The following ARHGAP21 variants were observed in gnomAD, a reference collection of about 807,000 sequenced individuals.
ARHGAP21 encodes rho GTPase-activating protein 21.
Under a neutral mutation model 164.6 loss-of-function variants are expected in ARHGAP21, and 38 were observed. The observed-to-expected ratio is 0.23, with a 90% CI of 0.18 to 0.30. ARHGAP21 has a LOEUF of 0.30. Ranked by LOEUF, ARHGAP21 falls within the 10% of genes least tolerant of loss-of-function variation. ARHGAP21 has a pLI of 1.00. For synonymous variants in ARHGAP21, 766 were observed against 857.9 expected, an observed-to-expected ratio of 0.89 and a Z score of 1.87; for missense variants, 1,822 against 2,370.7, an observed-to-expected ratio of 0.77 and a Z score of 4.81.
Position 24,584,661 on chromosome 10 carries a change from CTCTG to C in ARHGAP21, c.5624_5627del (p.Thr1875ArgfsTer8), listed in dbSNP as rs772391996. The C allele has an allele frequency of 7.4e-6, 12 of 1,613,914 alleles. No individual in the cohort carries two copies. Among genetic ancestry groups the C allele is most frequent in the African/African-American group, 2.7e-5 (2 of 75,016 alleles). On this transcript the variant is annotated frameshift_variant, in exon 26 of 26. Coordinates refer to ENST00000396432, the MANE Select transcript of ARHGAP21 (RefSeq NM_020824.4). LOFTEE classifies it low-confidence loss of function (END_TRUNC). ...TGGCTATTTCTCGTGTGCTTGGGTTCTCTGTCTGGGGATCTCCGATTTCTCCTCT... is the reference window on the plus strand; with the variant it reads ...TGGCTATTTCTCGTGTGCTTGGGTTCTCTGGGGATCTCCGATTTCTCCTCT...
intron 25 of ARHGAP21, 68 bp downstream of exon 25, chr10:24,589,203 T>A (rs968278241): frequency 5.8e-6 from 8 of 1,390,044 alleles, no homozygotes; most frequent in African/African-American, 1.4e-5. Flanking sequence ...CATTTGTGTA[T>A]CAACCATAAC....
chr10:24,703,356 A>G (rs1051403387), intron 2 of ARHGAP21, among the ~76,000 whole-genome samples: 9 of 152,214 alleles, frequency 5.9e-5, no homozygotes, highest in African/African-American at 2.2e-4. Context: ...AATAATTGTA[A>G]GCATGTATTA....
chr10:24,627,952 A>C (rs1455214638), intron 7 of ARHGAP21, among the ~76,000 whole-genome samples: 1 of 152,178 alleles, frequency 6.6e-6, no homozygotes, highest in African/African-American at 2.4e-5. Flanking sequence ...CTTGGCAAGG[A>C]AAGGGTCTAC....
intron 4 of ARHGAP21, among the ~76,000 whole-genome samples, chr10:24,650,874 T>C (rs765141293): frequency 6.6e-6 from 1 of 152,200 alleles, no homozygotes; most frequent in Non-Finnish European, 1.5e-5. Context: ...TGCACAACTG[T>C]TCACCTTGAG....
chr10:24,642,514 C>CA (rs57154901), intron 4 of ARHGAP21, among the ~76,000 whole-genome samples: 4,398 of 45,638 alleles, frequency 0.096, 233 homozygotes, highest in African/African-American at 0.21. Flanking sequence ...GACTCCGTCT[C>CA]AAAAAAAAAA....
chr10:24,678,569 G>A (rs545376840), intron 2 of ARHGAP21, among the ~76,000 whole-genome samples: 14 of 152,016 alleles, frequency 9.2e-5, no homozygotes, highest in East Asian at 3.9e-4. Context: ...GGTATAATCC[G>A]GCTCACTGCA....
At position 24,619,604 on chromosome 10, in the gene ARHGAP21, T is replaced by C; in HGVS notation, c.2291A>G (p.Glu764Gly). Residue 764 changes from glutamate (E) to glycine (G), a missense_variant, in exon 9 of 26, where the codon GAG (glutamate) becomes GGG (glycine). Glu to Gly is a moderately conservative substitution (Grantham distance 98). This residue lies in a region of ARHGAP21 where 1,090 missense variants were observed against 1,378.9 expected (regional missense o/e 0.79). Transcript: ENST00000396432. ...CCAGCAGGTAGTGTCTGACCCGGTC[T>C]CCTGGTCATTTACTGCCAAGATGTA... ...QSYILAVNDQ[E>G]TGSDTTCWLP... The C allele has an allele frequency of 6.2e-7, 1 of 1,614,182 alleles. No individual in the cohort carries two copies. Among genetic ancestry groups the C allele is most frequent in the Non-Finnish European group, 8.5e-7 (1 of 1,180,020 alleles).
At position 24,591,292 on chromosome 10, in the gene ARHGAP21, T is replaced by C; in HGVS notation, c.4083A>G (p.Pro1361=). 1 of 1,613,170 alleles carries C rather than the reference T, an allele frequency of 6.2e-7. No individual in the cohort carries two copies. The highest frequency in any genetic ancestry group is 8.5e-7 in the Non-Finnish European group (1 of 1,179,952). The change falls in exon 24 of 26, where the codon CCA becomes CCG. Residue 1361 remains proline, a synonymous_variant. Coordinates refer to ENST00000396432, the MANE Select transcript of ARHGAP21 (RefSeq NM_020824.4). ...VQEESTVDSQ[P]VPNIDHLLTN... ...TGAGTAAATGATCTATGTTTGGCAC[T>C]GGCTGGGAGTCTACTGTGCTTTCCT...
chr10:24,714,891 A>G (rs1232750485), intron 2 of ARHGAP21, among the ~76,000 whole-genome samples: 1 of 151,954 alleles, frequency 6.6e-6, no homozygotes, highest in African/African-American at 2.4e-5. Flanking sequence ...TTAGCCAGGC[A>G]TGGTGGCGGG....
At position 24,670,284 on chromosome 10, in the gene ARHGAP21, G is replaced by A. The variant is rs373049399; in HGVS notation, c.177C>T (p.Gly59=). The change falls in exon 3 of 26, where the codon GGC becomes GGT. Residue 59 remains glycine, a synonymous_variant. Coordinates refer to ENST00000396432, the MANE Select transcript of ARHGAP21 (RefSeq NM_020824.4). ...KTVTLKRTSQ[G]FGFTLRHFIV... ...TAAAATGTCTTAATGTAAAACCAAA[G>A]CCTTGAGATGTTCTTTTCAACGTAA... is the stretch of plus-strand genomic sequence containing the variant. The A allele has an allele frequency of 6.2e-7, 1 of 1,607,718 alleles. No homozygotes were observed. Among genetic ancestry groups the A allele is most frequent in the Non-Finnish European group, 8.5e-7 (1 of 1,176,666 alleles).
intron 4 of ARHGAP21, among the ~76,000 whole-genome samples, chr10:24,641,477 T>G (rs1837012359): frequency 1.3e-5 from 2 of 152,182 alleles, no homozygotes; most frequent in Non-Finnish European, 2.9e-5. Context: ...CAAACCCAAA[T>G]TCCAATAATC....
chr10:24,584,738 C>A lies in ARHGAP21; in HGVS notation c.5551G>T (p.Asp1851Tyr). Residue 1851 changes from aspartate (D) to tyrosine (Y), a missense_variant, in exon 26 of 26, where the codon GAC becomes TAC. By Grantham distance (160) the Asp-to-Tyr change is radical. Around this residue, in one of 5 missense-constraint regions of ARHGAP21, gnomAD observed 165 missense variants for 176.6 expected, o/e 0.93. Coordinates refer to ENST00000396432, the MANE Select transcript of ARHGAP21 (RefSeq NM_020824.4). Reference sequence around the variant, plus strand: ...CGTAGGCGTTCCCTGGCCAGCCAGTCTGAGATGGAAAGGTCCTGGGCTGAG... The same window carrying A: ...CGTAGGCGTTCCCTGGCCAGCCAGTATGAGATGGAAAGGTCCTGGGCTGAG... Reference protein sequence around the residue: ...KCSAQDLSISDWLARERLRTS... With the variant: ...KCSAQDLSISYWLARERLRTS... 1 of 1,613,968 alleles carries A rather than the reference C, an allele frequency of 6.2e-7. No individual in the cohort carries two copies. Among genetic ancestry groups the A allele is most frequent in the Non-Finnish European group, 8.5e-7 (1 of 1,179,868 alleles).
At chr10:24,709,454 G>C (rs1415998262) in intron 2 of ARHGAP21, among the ~76,000 whole-genome samples, 3 of 152,114 alleles carry the variant, frequency 2.0e-5, no homozygotes, top group African/African-American at 7.2e-5. Flanking sequence ...AACTGGAAAA[G>C]GGGGCGGGCA....
chr10:24,635,911 T>G (rs149373187), intron 4 of ARHGAP21, among the ~76,000 whole-genome samples: 856 of 152,320 alleles, frequency 5.6e-3, no homozygotes, highest in Non-Finnish European at 7.0e-3. Context: ...ACATATTCCT[T>G]TCCCTTCAGG....
Position 24,590,735 on chromosome 10 carries a change from CTGTATTTATGAAAA to C in ARHGAP21, c.4150+476_4150+489del, listed in dbSNP as rs1326993341. 6.1e-5 allele frequency: 60 copies of C among 985,246 alleles called. No homozygotes were observed. In the Middle Eastern group the frequency reaches 1.6e-3, roughly 26 times the overall value. The allele number at this position is 985,246 out of a possible 1,614,324, so 61.0% of individuals were successfully genotyped here. A position where few individuals can be genotyped will look rare whatever the true frequency, so the allele number is the denominator to read the frequency against. ...GCTTTTTACTGTGACAAATAATACA[CTGTATTTATGAAAA>C]TGTATTTATGAAAATGGTGCCCATT... is the stretch of plus-strand genomic sequence containing the variant. On this transcript the variant is annotated intron_variant, in intron 24 of 25. Transcript: ENST00000396432.
At chr10:24,619,151 TC>T (rs1450289700) in intron 9 of ARHGAP21, among the ~76,000 whole-genome samples, 1 of 152,228 alleles carries the variant, frequency 6.6e-6, no homozygotes, top group Non-Finnish European at 1.5e-5. Flanking sequence ...GGTTTTTCAT[TC>T]ACCTGAATCA....
rs1478707594 is a variant in ARHGAP21, at chr10:24,594,825, A to AT, written c.3876+124_3876+125insA. The AT allele has an allele frequency of 1.1e-5, 7 of 633,572 alleles. No individual in the cohort carries two copies. The East Asian group carries it at 2.2e-4, about 20-fold the overall frequency. 39.2% of individuals were successfully genotyped at this position (633,572 alleles called of 1,614,324 possible). On this transcript the variant is annotated intron_variant, in intron 21 of 25. Transcript: ENST00000396432. ...TTTTGCTTTTAAAAACAATTTTAAG[A>AT]AGGACTTACCCAGTTTGATGTTGAA...
At chr10:24,660,623 A>G (rs1405784022) in intron 4 of ARHGAP21, among the ~76,000 whole-genome samples, 1 of 152,048 alleles carries the variant, frequency 6.6e-6, no homozygotes, top group Non-Finnish European at 1.5e-5. Context: ...TCACTCCAAC[A>G]CTGGTGGAAA....
intron 2 of ARHGAP21, among the ~76,000 whole-genome samples, chr10:24,678,139 T>G (rs1175022201): frequency 6.6e-6 from 1 of 151,578 alleles, no homozygotes; most frequent in Non-Finnish European, 1.5e-5. Flanking sequence ...AAAAGAAAGA[T>G]AGAGAGATCC....
Sources: gnomAD v4.1 joint callset for allele counts (sites outside exome capture counted in the v4.1 genomes callset) on GRCh38, gnomAD v4.1.1 for gene constraint, gnomAD v4.1.1 regional missense constraint, MANE v1.5 for transcripts, NCBI Gene and HGNC (gene_info 2026-07-23, HGNC 2026-07-21) for gene names.